Variants in MCC observed in about 807,000 individuals in gnomAD.
MCC encodes colorectal mutant cancer protein.
In MCC, 90 loss-of-function variants were observed where a neutral mutation model predicts 116.2. The observed-to-expected ratio is 0.77, with a 90% CI of 0.65 to 0.92. The LOEUF is 0.92. Among genes scored for constraint, MCC ranks in the 40% least tolerant of loss-of-function variants. The pLI is 0.00. For synonymous variants in MCC, 578 were observed against 510.5 expected (o/e 1.13, Z -1.78); for missense variants, 1,516 against 1,312.2 (o/e 1.16, Z -2.40).
At chr5:113,115,310 G>T (rs1757334337) in intron 6 of MCC, among the ~76,000 whole-genome samples, 3 of 152,206 alleles carry the variant, frequency 2.0e-5, no homozygotes, top group Admixed American at 2.0e-4. Flanking sequence ...TGGGTGACCT[G>T]AGAAGCGAAA....
intron 3 of MCC, among the ~76,000 whole-genome samples, chr5:113,330,531 A>G (rs1767674016): frequency 6.6e-6 from 1 of 152,226 alleles, no homozygotes; most frequent in African/African-American, 2.4e-5. Flanking sequence ...TAATGCTGAG[A>G]TAAGTCATTG....
intron 1 of MCC, among the ~76,000 whole-genome samples, chr5:113,467,616 G>A (rs532189054): frequency 1.4e-4 from 21 of 152,276 alleles, no homozygotes; most frequent in African/African-American, 3.4e-4. Context: ...GTCAGGTAGC[G>A]TGATGCTTCC....
intron 3 of MCC, among the ~76,000 whole-genome samples, chr5:113,154,419 C>A (rs1458716191): frequency 6.6e-6 from 1 of 152,218 alleles, no homozygotes; most frequent in East Asian, 1.9e-4. Flanking sequence ...AGCCACACTG[C>A]CTAGAATTGG....
At chr5:113,220,058 TTTTTC>T (rs1272069055) in intron 3 of MCC, among the ~76,000 whole-genome samples, 3 of 50,968 alleles carry the variant, frequency 5.9e-5, no homozygotes, top group Non-Finnish European at 2.1e-4. Flanking sequence ...TGTCAATTTC[TTTTTC>T]TTTTTTTTTT....
chr5:113,106,667 GTCCCACCTCAGCCTCCCAA>G (rs1756751063), intron 6 of MCC, among the ~76,000 whole-genome samples: 1 of 152,016 alleles, frequency 6.6e-6, no homozygotes, highest in Non-Finnish European at 1.5e-5. Context: ...TCAACCTATC[GTCCCACCTCAGCCTCCCAA>G]GATGCTGGGA....
intron 3 of MCC, among the ~76,000 whole-genome samples, chr5:113,328,779 A>T (rs1231140133): frequency 6.6e-6 from 1 of 152,160 alleles, no homozygotes; most frequent in Non-Finnish European, 1.5e-5. Context: ...GTGTGTGTAC[A>T]TGTGTGTTTA....
intron 3 of MCC, among the ~76,000 whole-genome samples, chr5:113,223,504 A>C (rs1003699788): frequency 3.3e-5 from 5 of 152,190 alleles, no homozygotes; most frequent in Non-Finnish European, 2.9e-5. Context: ...GATACTGCCA[A>C]GCCTGTAACA....
At chr5:113,257,123 T>A (rs988759839) in intron 3 of MCC, among the ~76,000 whole-genome samples, 2 of 152,164 alleles carry the variant, frequency 1.3e-5, no homozygotes, top group African/African-American at 4.8e-5. Flanking sequence ...GTTTGTGGTA[T>A]TGAAATTTGT....
intron 1 of MCC, among the ~76,000 whole-genome samples, chr5:113,410,907 T>G (rs988118168): frequency 1.8e-4 from 28 of 152,210 alleles, no homozygotes; most frequent in African/African-American, 6.8e-4. Context: ...GTTTCCAGCT[T>G]CATCCATGTC....
chr5:113,120,842 T>C (rs989315262), intron 6 of MCC, among the ~76,000 whole-genome samples: 1 of 152,240 alleles, frequency 6.6e-6, no homozygotes, highest in Non-Finnish European at 1.5e-5. Context: ...CTCCTCTTGG[T>C]GTTTTATCTG....
intron 3 of MCC, among the ~76,000 whole-genome samples, chr5:113,201,912 G>A (rs1053673869): frequency 2.0e-5 from 3 of 152,088 alleles, no homozygotes; most frequent in Non-Finnish European, 2.9e-5. Flanking sequence ...ACGCTGTCAG[G>A]CAGGCTACAC....
At chr5:113,103,693 A>C (rs529041067) in intron 7 of MCC, among the ~76,000 whole-genome samples, 1 of 152,312 alleles carries the variant, frequency 6.6e-6, no homozygotes, top group South Asian at 2.1e-4. Context: ...AAGGAATATA[A>C]AGATACCAGA....
At chr5:113,265,907 A>C (rs958705134) in intron 3 of MCC, among the ~76,000 whole-genome samples, 2 of 152,042 alleles carry the variant, frequency 1.3e-5, no homozygotes, top group Non-Finnish European at 2.9e-5. Context: ...CTAGAAAATG[A>C]GAAGGGAGAG....
rs577375738 is a variant in MCC at position 113,059,012 on chromosome 5, T to C, written c.2213+4972A>G. ...ATGGACTTGAGAAATCACCTAGCCC[T>C]AACACGAACGCAGGCAGGCAGAGAC... On this transcript the variant is annotated intron_variant, in intron 14 of 18. Transcript: ENST00000408903. Among the ~76,000 whole-genome samples the C allele has an allele frequency of 5.5e-3, 838 of 152,172 alleles. 7 individuals carry two copies. The highest frequency in any genetic ancestry group is 0.015 in the South Asian group (70 of 4,822).
At chr5:113,479,967 T>C (rs1400122506) in intron 1 of MCC, among the ~76,000 whole-genome samples, 2 of 152,214 alleles carry the variant, frequency 1.3e-5, no homozygotes, top group Non-Finnish European at 1.5e-5. Flanking sequence ...GCTTATGTCA[T>C]GAGAATCTAC....
At chr5:113,133,482 TA>T (rs1197032203) in intron 5 of MCC, among the ~76,000 whole-genome samples, 5 of 151,838 alleles carry the variant, frequency 3.3e-5, no homozygotes, top group African/African-American at 1.2e-4. Flanking sequence ...TTTTTTTTTT[TA>T]TAGCTGATAA....
intron 3 of MCC, among the ~76,000 whole-genome samples, chr5:113,165,492 G>A (rs974047830): frequency 2.2e-4 from 33 of 152,242 alleles, no homozygotes; most frequent in African/African-American, 7.7e-4. Flanking sequence ...TATGGCAGGG[G>A]TAGTGGCATT....
At chr5:113,094,911 A>G (rs781392762) in intron 8 of MCC, among the ~76,000 whole-genome samples, 6 of 152,164 alleles carry the variant, frequency 3.9e-5, no homozygotes, top group Admixed American at 1.3e-4. Context: ...GCCCTCATGA[A>G]GTAACTGGGA....
intron 5 of MCC, among the ~76,000 whole-genome samples, chr5:113,135,027 C>T (rs912222986): frequency 2.0e-4 from 30 of 151,062 alleles, no homozygotes; most frequent in Admixed American, 3.3e-4. Flanking sequence ...CTACAACCTC[C>T]GCCTCCCGGG....
Sources: gnomAD v4.1 joint callset for allele counts (sites outside exome capture counted in the v4.1 genomes callset) on GRCh38, gnomAD v4.1.1 for gene constraint, MANE v1.5 for transcripts, NCBI Gene and HGNC (gene_info 2026-07-23, HGNC 2026-07-21) for gene names.